Variants in TMEM161A observed in about 807,000 individuals in gnomAD.
TMEM161A encodes adaptive response to oxidative stress protein 29.
A neutral mutation model predicts 57.1 loss-of-function variants in TMEM161A; 46 were observed. The observed-to-expected ratio is 0.81, with a 90% CI of 0.64 to 1.03. The LOEUF is 1.03. Ranked by LOEUF, TMEM161A falls within the 50% of genes least tolerant of loss-of-function variation. The probability of loss-of-function intolerance (pLI) is 0.00; values close to 1 mark genes in which losing one functional copy is unlikely to be tolerated. For missense variants in TMEM161A, 601 were observed against 621.5 expected (o/e 0.97, Z 0.35); for synonymous variants, 288 against 279.0 (o/e 1.03, Z -0.32).
In TMEM161A at chr19:19,121,888, A is replaced by AC. The variant is rs1335944644; in HGVS notation, c.596-70dup. On this transcript the variant is annotated intron_variant, in intron 6 of 11. Transcript: ENST00000162044. The surrounding 1 kb of genome is among the most constrained non-coding windows in gnomAD (Gnocchi z 5.8). ...GTCTCTAAGGCCACTCTGTTCCCTA[A>AC]CCCCCCATCCCTCAGGCATCCGTTT... is the stretch of plus-strand genomic sequence containing the variant. The AC allele has an allele frequency of 7.7e-6, 12 of 1,548,598 alleles. No individual in the cohort carries two copies. The highest frequency in any genetic ancestry group is 1.4e-5 in the African/African-American group (1 of 73,332).
Position 19,121,732 on chromosome 19 carries a change from C to T in TMEM161A, c.656+27G>A. Reference sequence around the variant, plus strand: ...CTGGGAGGGTCCCAGCCTGCCCTTGCCTCCCTCCCCCATTCCCAGGACTCA... The same window carrying T: ...CTGGGAGGGTCCCAGCCTGCCCTTGTCTCCCTCCCCCATTCCCAGGACTCA... On this transcript the variant is annotated intron_variant, in intron 7 of 11. Coordinates refer to ENST00000162044, the MANE Select transcript of TMEM161A (RefSeq NM_017814.3). The surrounding 1 kb of genome is among the most constrained non-coding windows in gnomAD (Gnocchi z 5.8). 3 of 1,613,614 alleles carry T rather than the reference C, an allele frequency of 1.9e-6. No individual in the cohort carries two copies. The highest frequency in any genetic ancestry group is 2.5e-6 in the Non-Finnish European group (3 of 1,179,666).
In TMEM161A at chr19:19,119,890, C is replaced by A. The variant is rs1335013205; in HGVS notation, c.*40G>T. The stretch of plus-strand genomic sequence containing the variant: ...GGGGCAGGCTAGTGTCCCGCTGCCC[C>A]AGGAACAGACCTCAGGGCCCCAGGA... On this transcript the variant is annotated 3_prime_UTR_variant, in exon 12 of 12. Coordinates refer to ENST00000162044, the MANE Select transcript of TMEM161A (RefSeq NM_017814.3). 6.5e-7 allele frequency: 1 copy of A among 1,543,970 alleles called. No individual in the cohort carries two copies. Among genetic ancestry groups the A allele is most frequent in the Non-Finnish European group, 8.7e-7 (1 of 1,143,926 alleles).
Position 19,121,807 on chromosome 19 carries a change from A to T in TMEM161A, c.608T>A (p.Met203Lys), listed in dbSNP as rs1437647395. The T allele has an allele frequency of 6.2e-7, 1 of 1,613,880 alleles. No individual in the cohort carries two copies. The highest frequency in any genetic ancestry group is 2.2e-5 in the East Asian group (1 of 44,876). Reference sequence around the variant, plus strand: ...CAGAAGTGGCTCTAAGTTCTGGGTCATGCTGGCCAGACCTGGGGACGATAA... The same window carrying T: ...CAGAAGTGGCTCTAAGTTCTGGGTCTTGCTGGCCAGACCTGGGGACGATAA... ...ELGLEPGLASMTQNLEPLLKK... is the reference protein window; with the variant it reads ...ELGLEPGLASKTQNLEPLLKK... The change falls in exon 7 of 12, where the codon ATG becomes AAG. Residue 203 changes from methionine (M) to lysine (K), a missense_variant. Transcript: ENST00000162044. This position sits in a 1 kb window ranked among gnomAD's most constrained non-coding sequence, Gnocchi z 5.8.
chr19:19,136,105 T>A (rs2059983445), intron 1 of TMEM161A, among the ~76,000 whole-genome samples: 1 of 151,974 alleles, frequency 6.6e-6, no homozygotes, highest in Non-Finnish European at 1.5e-5. Flanking sequence ...TTTAGAAGAA[T>A]CAGTCTGTGG....
intron 3 of TMEM161A, 105 bp downstream of exon 3, chr19:19,133,025 G>T: frequency 9.5e-7 from 1 of 1,052,556 alleles, no homozygotes; most frequent in Non-Finnish European, 1.4e-6. Context: ...AGTATGGGTG[G>T]GCCGGTCCTG....
Position 19,132,225 on chromosome 19 carries a change from A to G in TMEM161A, c.443+127T>C. 4 of 1,132,402 alleles carry G rather than the reference A, an allele frequency of 3.5e-6. No individual in the cohort carries two copies. Among genetic ancestry groups the G allele is most frequent in the South Asian group, 3.1e-5 (2 of 65,564 alleles). The allele number at this position is 1,132,402 out of a possible 1,614,324, so 70.1% of individuals were successfully genotyped here. ...CTGGAGCACATAAAATGTCTGCTTC[A>G]TGTCACTAAGCTTGGGGAAGTTTGT... On this transcript the variant is annotated intron_variant, in intron 5 of 11. Transcript: ENST00000162044. This position sits in a 1 kb window ranked among gnomAD's most constrained non-coding sequence, Gnocchi z 4.3.
intron 5 of TMEM161A, 89 bp from the exon 6 acceptor site, chr19:19,130,396 G>A: frequency 6.6e-7 from 1 of 1,525,222 alleles, no homozygotes; most frequent in South Asian, 1.1e-5. Context: ...GAACTCCAGG[G>A]AACAAGCACT....
At chr19:19,138,285 G>A in intron 1 of TMEM161A, 141 bp downstream of exon 1, 1 of 1,234,112 alleles carries the variant, frequency 8.1e-7, no homozygotes. Flanking sequence ...AGGGACACAC[G>A]GCCTTCAGCG....
chr19:19,134,056 GTT>G (rs71168802), intron 2 of TMEM161A, among the ~76,000 whole-genome samples: 2 of 147,272 alleles, frequency 1.4e-5, no homozygotes, highest in Non-Finnish European at 1.5e-5. Context: ...TCTCTGACGT[GTT>G]TTTTTTTTTT....
At chr19:19,133,913 G>A (rs1017713757) in intron 2 of TMEM161A, among the ~76,000 whole-genome samples, 1 of 152,170 alleles carries the variant, frequency 6.6e-6, no homozygotes, top group African/African-American at 2.4e-5. Flanking sequence ...GGGATCACAG[G>A]CGTGAGCCAC....
rs1210094894 is a variant in TMEM161A, at chr19:19,138,466, T to G, written c.-38A>C. 8 of 1,588,354 alleles carry G rather than the reference T, an allele frequency of 5.0e-6. No individual in the cohort carries two copies. Among genetic ancestry groups the G allele is most frequent in the Non-Finnish European group, 6.8e-6 (8 of 1,167,998 alleles). ...AACGCGGTGCACTCACCCACCGGCC[T>G]AGGGCTCCGGGCACTCTGCGGAAAC... On this transcript the variant is annotated 5_prime_UTR_variant, in exon 1 of 12. Transcript: ENST00000162044.
At chr19:19,138,397 AC>A (rs776937733) in intron 1 of TMEM161A, 28 bp downstream of exon 1, 2 of 1,598,686 alleles carry the variant, frequency 1.3e-6, no homozygotes, top group Non-Finnish European at 8.5e-7. Context: ...GCCCTGCAGA[AC>A]CCCCCACTTC....
chr19:19,133,045 GC>G, intron 3 of TMEM161A, 84 bp downstream of exon 3: 1 of 1,328,838 alleles, frequency 7.5e-7, no homozygotes, highest in South Asian at 1.4e-5. Flanking sequence ...GTGTCCCTGA[GC>G]CCAGAGCCCC....
rs555697426 is a variant in TMEM161A at position 19,119,823 on chromosome 19, C to A, written c.*107G>T. 7.2e-7 allele frequency: 1 copy of A among 1,396,468 alleles called. No homozygotes were observed. The highest frequency in any genetic ancestry group is 2.4e-5 in the Admixed American group (1 of 42,308). The allele number at this position is 1,396,468 out of a possible 1,614,324, so 86.5% of individuals were successfully genotyped here. ...GTGGTGAAGGGAACGCCGGGGAGTC[C>A]GGCCCCACCTTGCAGCTGGGGACAC... On this transcript the variant is annotated 3_prime_UTR_variant, in exon 12 of 12. Transcript: ENST00000162044.
chr19:19,134,809 C>T lies in TMEM161A; in HGVS notation c.82G>A (p.Ala28Thr), dbSNP rs2092572118. Residue 28 changes from alanine (A) to threonine (T), a missense_variant, in exon 2 of 12, where the codon GCG becomes ACG. Ala to Thr is a moderately conservative substitution (Grantham distance 58, BLOSUM62 0). Coordinates refer to ENST00000162044, the MANE Select transcript of TMEM161A (RefSeq NM_017814.3). ...CTGCCGTTACAGAGCAGCCAGCGCG[C>T]GAAGGAGCAGTGTGGCGCCAGCCTG... The part of the protein sequence containing the change: ...MHRLAPHCSF[A>T]RWLLCNGSLF... The T allele has an allele frequency of 1.3e-6, 2 of 1,588,462 alleles. No homozygotes were observed. Among genetic ancestry groups the T allele is most frequent in the Non-Finnish European group, 1.7e-6 (2 of 1,168,936 alleles).
chr19:19,132,972 A>T lies in TMEM161A; in HGVS notation c.188+158T>A. The T allele has an allele frequency of 8.1e-6, 6 of 737,372 alleles. No individual in the cohort carries two copies. Among genetic ancestry groups the T allele is most frequent in the Non-Finnish European group, 1.3e-5 (6 of 454,998 alleles). The allele number at this position is 737,372 out of a possible 1,614,324, so 45.7% of individuals were successfully genotyped here. A position where few individuals can be genotyped will look rare whatever the true frequency, so the allele number is the denominator to read the frequency against. Reference sequence around the variant, plus strand: ...AACTTGACAGTGACCATCTCCTTGGACTAGGGTCTCCCGGTTCACCTGTGC... The same window carrying T: ...AACTTGACAGTGACCATCTCCTTGGTCTAGGGTCTCCCGGTTCACCTGTGC... On this transcript the variant is annotated intron_variant, in intron 3 of 11. Coordinates refer to ENST00000162044, the MANE Select transcript of TMEM161A (RefSeq NM_017814.3). The surrounding 1 kb of genome is among the most constrained non-coding windows in gnomAD (Gnocchi z 4.3).
chr19:19,131,275 G>A (rs901438124), intron 5 of TMEM161A, among the ~76,000 whole-genome samples: 4 of 151,992 alleles, frequency 2.6e-5, no homozygotes, highest in African/African-American at 7.2e-5. Context: ...GGAACCAGTG[G>A]ATTTTAAGAC....
rs1369663799 is a variant in TMEM161A, at chr19:19,121,181, C to T, written c.915-15G>A. 33 of 1,590,316 alleles carry T rather than the reference C, an allele frequency of 2.1e-5. No homozygotes were observed. In the East Asian group the frequency reaches 7.5e-4, roughly 36 times the overall value. On this transcript the variant is annotated splice_polypyrimidine_tract_variant and intron_variant, in intron 9 of 11. Coordinates refer to ENST00000162044, the MANE Select transcript of TMEM161A (RefSeq NM_017814.3). The surrounding 1 kb of genome is among the most constrained non-coding windows in gnomAD (Gnocchi z 5.8). ...AATCGGACAGCCTGTGCGGAGAGGG[C>T]CGGGGGCAAGGGACTAAGAAGGTCG...
intron 11 of TMEM161A, 51 bp from the exon 12 acceptor site, chr19:19,120,234 C>A: frequency 6.8e-7 from 1 of 1,469,756 alleles, no homozygotes; most frequent in Non-Finnish European, 9.1e-7. Context: ...GGGGAGGGGG[C>A]GAGGGACAGG....
Sources: allele counts gnomAD v4.1 joint callset (sites outside exome capture counted in the v4.1 genomes callset), GRCh38; gene constraint gnomAD v4.1.1; non-coding constraint Gnocchi (gnomAD v3.1); transcripts MANE v1.5; gene names NCBI Gene and HGNC (gene_info 2026-07-23, HGNC 2026-07-21).